The following ERBB4 variants were observed in gnomAD, a reference collection of about 807,000 sequenced individuals.
ERBB4 encodes receptor tyrosine-protein kinase erbB-4.
In ERBB4, 42 loss-of-function variants were observed where a neutral mutation model predicts 158.0. The ratio of observed to expected loss-of-function variants is 0.27; its 90% CI spans 0.21 to 0.34. The LOEUF is 0.34. Ranked by LOEUF, ERBB4 falls within the 10% of genes least tolerant of loss-of-function variation. ERBB4 has a pLI of 1.00. For synonymous variants in ERBB4, 583 were observed against 558.7 expected (o/e 1.04, Z -0.61); for missense variants, 1,333 against 1,624.1 (o/e 0.82, Z 3.08).
intron 2 of ERBB4, among the ~76,000 whole-genome samples, chr2:212,017,262 T>C (rs71422767): frequency 0.017 from 2,649 of 152,208 alleles, 38 homozygotes; most frequent in Non-Finnish European, 0.025. Flanking sequence ...AAATAAGTGG[T>C]ATAGAGAAGA....
chr2:211,795,223 G>T (rs2105874682), intron 3 of ERBB4, among the ~76,000 whole-genome samples: 1 of 151,858 alleles, frequency 6.6e-6, no homozygotes, highest in African/African-American at 2.4e-5. Flanking sequence ...GAATTGTAAA[G>T]GCAATAATAC....
At chr2:212,376,354 G>A (rs991481961) in intron 1 of ERBB4, among the ~76,000 whole-genome samples, 1 of 152,060 alleles carries the variant, frequency 6.6e-6, no homozygotes, top group African/African-American at 2.4e-5. Flanking sequence ...CAAAGGTTGT[G>A]GCAACAGTTT....
At chr2:212,377,682 C>T (rs1484669332) in intron 1 of ERBB4, among the ~76,000 whole-genome samples, 1 of 151,862 alleles carries the variant, frequency 6.6e-6, no homozygotes, top group Non-Finnish European at 1.5e-5. Context: ...AGGCCTAGGG[C>T]ACTACAGCTA....
At chr2:211,904,047 T>G (rs2079309020) in intron 3 of ERBB4, among the ~76,000 whole-genome samples, 1 of 152,112 alleles carries the variant, frequency 6.6e-6, no homozygotes, top group Non-Finnish European at 1.5e-5. Flanking sequence ...GATTGGCTGT[T>G]TAAAGATAAA....
At chr2:212,359,266 G>GTA (rs995877186) in intron 1 of ERBB4, among the ~76,000 whole-genome samples, 5 of 151,096 alleles carry the variant, frequency 3.3e-5, no homozygotes, top group African/African-American at 7.3e-5. Context: ...TTAAAAACTT[G>GTA]TATATATATA....
intron 1 of ERBB4, among the ~76,000 whole-genome samples, chr2:212,346,931 G>A (rs2089030142): frequency 6.6e-6 from 1 of 152,008 alleles, no homozygotes; most frequent in African/African-American, 2.4e-5. Context: ...AGGCACTTTT[G>A]CAACAACATT....
intron 3 of ERBB4, among the ~76,000 whole-genome samples, chr2:211,853,654 C>A (rs2077775301): frequency 6.6e-6 from 1 of 152,054 alleles, no homozygotes; most frequent in Non-Finnish European, 1.5e-5. Flanking sequence ...CAGAAACAAG[C>A]ATTCCCAAAT....
rs376211686 is a variant in ERBB4 at position 212,205,054 on chromosome 2, G to A, written c.83-80151C>T. On this transcript the variant is annotated intron_variant, in intron 1 of 27. Coordinates refer to ENST00000342788, the MANE Select transcript of ERBB4 (RefSeq NM_005235.3). ...GCTAGTCTCAAACTCTGGACCTCAG[G>A]TGATCAACCCGCCTCGGCCTCCCAA... is the stretch of plus-strand genomic sequence containing the variant. Among the ~76,000 whole-genome samples the A allele has an allele frequency of 4.0e-5, 6 of 151,864 alleles. No individual in the cohort carries two copies. The East Asian group carries it at 5.9e-4, about 15-fold the overall frequency.
intron 2 of ERBB4, among the ~76,000 whole-genome samples, chr2:212,079,783 C>T (rs2078381862): frequency 3.9e-5 from 6 of 152,080 alleles, no homozygotes. Flanking sequence ...TAACACTTTG[C>T]TACCCTTTCA....
chr2:211,392,215 T>C (rs1324254441), intron 25 of ERBB4, among the ~76,000 whole-genome samples: 13 of 152,206 alleles, frequency 8.5e-5, no homozygotes. Context: ...TATTGCATTA[T>C]GTTATAATTA....
intron 19 of ERBB4, among the ~76,000 whole-genome samples, chr2:211,611,570 GAAAAA>G (rs2069202514): frequency 6.6e-6 from 1 of 152,164 alleles, no homozygotes; most frequent in East Asian, 1.9e-4. Flanking sequence ...CTTCGATGAA[GAAAAA>G]CCTTCAATCG....
chr2:212,513,114 AC>A (rs1307695279), intron 1 of ERBB4, among the ~76,000 whole-genome samples: 2 of 152,194 alleles, frequency 1.3e-5, no homozygotes, highest in East Asian at 3.8e-4. Context: ...TTCCAGAGTA[AC>A]TTTTGCTTAC....
intron 2 of ERBB4, among the ~76,000 whole-genome samples, chr2:212,089,805 T>C (rs2078720772): frequency 6.6e-6 from 1 of 152,192 alleles, no homozygotes; most frequent in South Asian, 2.1e-4. Context: ...ATGGAAATAA[T>C]ACATCTTTAC....
chr2:212,142,583 A>C (rs2080518085), intron 1 of ERBB4, among the ~76,000 whole-genome samples: 1 of 147,372 alleles, frequency 6.8e-6, no homozygotes, highest in African/African-American at 2.5e-5. Flanking sequence ...AATAAAGGAC[A>C]CATTATATAT....
chr2:212,240,316 C>G (rs1028802026), intron 1 of ERBB4, among the ~76,000 whole-genome samples: 3 of 151,968 alleles, frequency 2.0e-5, no homozygotes, highest in Non-Finnish European at 4.4e-5. Flanking sequence ...GGAGAGGTGC[C>G]CTTCCTATTC....
At chr2:211,878,657 GTT>G (rs56379006) in intron 3 of ERBB4, among the ~76,000 whole-genome samples, 1 of 133,894 alleles carries the variant, frequency 7.5e-6, no homozygotes, top group Non-Finnish European at 1.5e-5. Flanking sequence ...ATTAAGTTTT[GTT>G]TTTTTTTTTT....
chr2:211,560,962 C>T (rs776954189), intron 20 of ERBB4, among the ~76,000 whole-genome samples: 15 of 152,128 alleles, frequency 9.9e-5, no homozygotes, highest in Non-Finnish European at 1.6e-4. Context: ...ATTGTACAAA[C>T]GTATAGATAA....
At chr2:211,692,806 T>G (rs191363418) in intron 12 of ERBB4, among the ~76,000 whole-genome samples, 8 of 152,260 alleles carry the variant, frequency 5.3e-5, no homozygotes, top group Non-Finnish European at 1.2e-4. Context: ...CATTCATAGG[T>G]TCTGAAGATT....
chr2:212,014,956 G>A (rs1156368774), intron 2 of ERBB4, among the ~76,000 whole-genome samples: 1 of 148,152 alleles, frequency 6.7e-6, no homozygotes, highest in Non-Finnish European at 1.5e-5. Context: ...ACTTTGGGAG[G>A]CGAAGGCGGA....
Sources: gnomAD v4.1 joint callset for allele counts (sites outside exome capture counted in the v4.1 genomes callset) on GRCh38, gnomAD v4.1.1 for gene constraint, MANE v1.5 for transcripts, NCBI Gene and HGNC (gene_info 2026-07-23, HGNC 2026-07-21) for gene names.